Variants in GTF2E2 observed in about 807,000 individuals in gnomAD.
GTF2E2 encodes the protein transcription initiation factor IIE subunit beta.
Under a neutral mutation model 40.5 loss-of-function variants are expected in GTF2E2, and 21 were observed. The observed-to-expected ratio is 0.52, with a 90% CI of 0.37 to 0.75. The LOEUF is 0.75. Ranked by LOEUF, GTF2E2 falls within the 30% of genes least tolerant of loss-of-function variation. The pLI is 0.00. For synonymous variants in GTF2E2, 117 were observed against 121.6 expected (o/e 0.96, Z 0.25); for missense variants, 298 against 338.4 (o/e 0.88, Z 0.94).
At chr8:30,618,481 T>C (rs1326137200) in intron 3 of GTF2E2, among the ~76,000 whole-genome samples, 1 of 152,152 alleles carries the variant, frequency 6.6e-6, no homozygotes, top group Non-Finnish European at 1.5e-5. Flanking sequence ...GGGCCCAGCA[T>C]GCATGGCCTC....
intron 2 of GTF2E2, chr8:30,637,115 T>C: frequency 2.4e-6 from 1 of 413,080 alleles, no homozygotes; most frequent in Non-Finnish European, 4.8e-6. Context: ...TAGATTCAAA[T>C]CCAGTGTAAA....
At chr8:30,653,041 T>C (rs1470457300) in intron 2 of GTF2E2, among the ~76,000 whole-genome samples, 2 of 152,142 alleles carry the variant, frequency 1.3e-5, no homozygotes, top group Non-Finnish European at 1.5e-5. Flanking sequence ...ATTATTGGTT[T>C]TCCGGGGCAG....
intron 3 of GTF2E2, among the ~76,000 whole-genome samples, chr8:30,619,838 G>A (rs575538831): frequency 6.6e-6 from 1 of 152,152 alleles, no homozygotes; most frequent in South Asian, 2.1e-4. Context: ...ATCAACCTGT[G>A]GCTGTGTTAC....
At chr8:30,653,706 TTATTA>T in intron 1 of GTF2E2, 104 bp from the exon 2 acceptor site, 2 of 730,784 alleles carry the variant, frequency 2.7e-6, no homozygotes, top group South Asian at 3.4e-5. Flanking sequence ...AAATTACCTT[TTATTA>T]TTAGTTCTCT....
intron 6 of GTF2E2, among the ~76,000 whole-genome samples, chr8:30,581,249 G>A (rs775300949): frequency 1.1e-4 from 16 of 152,224 alleles, no homozygotes; most frequent in Non-Finnish European, 1.9e-4. Flanking sequence ...ACTGCCCCAC[G>A]CACTGAGGGG....
intron 3 of GTF2E2, among the ~76,000 whole-genome samples, chr8:30,629,670 C>T (rs1801382790): frequency 8.6e-6 from 1 of 116,858 alleles, no homozygotes; most frequent in Admixed American, 1.1e-4. Flanking sequence ...GCCTGGGTGA[C>T]AGAGCAAGAT....
intron 6 of GTF2E2, among the ~76,000 whole-genome samples, chr8:30,584,167 T>A (rs931025590): frequency 6.6e-6 from 1 of 151,802 alleles, no homozygotes; most frequent in African/African-American, 2.4e-5. Flanking sequence ...ATTTCCTTCA[T>A]GTTGGTTCCT....
intron 2 of GTF2E2, chr8:30,645,745 A>C: frequency 1.4e-6 from 1 of 734,864 alleles, no homozygotes; most frequent in Non-Finnish European, 2.2e-6. Flanking sequence ...AAAGTTAAAC[A>C]TGCACTGTTT....
intron 6 of GTF2E2, among the ~76,000 whole-genome samples, chr8:30,605,249 T>A (rs1829288415): frequency 6.6e-6 from 1 of 152,006 alleles, no homozygotes; most frequent in Non-Finnish European, 1.5e-5. Context: ...GTTGAAGGCA[T>A]CAAAGTAAAT....
At chr8:30,610,941 C>T (rs1363333853) in intron 5 of GTF2E2, among the ~76,000 whole-genome samples, 1 of 152,064 alleles carries the variant, frequency 6.6e-6, no homozygotes, top group Admixed American at 6.5e-5. Context: ...GAATTAATAT[C>T]CAGAATATAT....
chr8:30,621,867 A>G (rs1012380907), intron 3 of GTF2E2, among the ~76,000 whole-genome samples: 4 of 152,042 alleles, frequency 2.6e-5, no homozygotes, highest in Non-Finnish European at 4.4e-5. Context: ...ATACAGAACA[A>G]AAGGTGTGAC....
intron 6 of GTF2E2, among the ~76,000 whole-genome samples, chr8:30,594,852 C>G (rs1828954784): frequency 6.9e-6 from 1 of 145,098 alleles, no homozygotes; most frequent in Admixed American, 6.8e-5. Flanking sequence ...AGCAAAACTT[C>G]ATCTCAAAAA....
intron 6 of GTF2E2, among the ~76,000 whole-genome samples, chr8:30,587,871 T>TA (rs58179732): frequency 0.63 from 65,827 of 104,886 alleles, 20,494 homozygotes; most frequent in Middle Eastern, 0.77. Flanking sequence ...GACTCCGTCT[T>TA]AAAAAAAAAA....
chr8:30,612,939 C>T (rs1829522196), intron 4 of GTF2E2, among the ~76,000 whole-genome samples: 1 of 152,222 alleles, frequency 6.6e-6, no homozygotes, highest in African/African-American at 2.4e-5. Context: ...TACAAACTGG[C>T]AGGCCTAAAA....
chr8:30,635,354 T>C (rs965970597), intron 2 of GTF2E2, among the ~76,000 whole-genome samples: 1 of 152,102 alleles, frequency 6.6e-6, no homozygotes, highest in African/African-American at 2.4e-5. Flanking sequence ...CAAACCACAA[T>C]TCTTTTATAA....
intron 6 of GTF2E2, among the ~76,000 whole-genome samples, chr8:30,584,350 C>T (rs1369290523): frequency 1.3e-5 from 2 of 152,062 alleles, no homozygotes; most frequent in Non-Finnish European, 2.9e-5. Flanking sequence ...TATTTAAAAA[C>T]CAAGATCTAC....
intron 3 of GTF2E2, among the ~76,000 whole-genome samples, chr8:30,626,721 T>C (rs1012282439): frequency 2.0e-5 from 3 of 152,228 alleles, no homozygotes; most frequent in African/African-American, 4.8e-5. Flanking sequence ...TGGGTCATTT[T>C]ACTGCACCAG....
At chr8:30,610,604 G>C (rs1426331275) in intron 5 of GTF2E2, among the ~76,000 whole-genome samples, 2 of 152,110 alleles carry the variant, frequency 1.3e-5, no homozygotes, top group African/African-American at 4.8e-5. Flanking sequence ...AATGGGCAAA[G>C]GACGGTCTCT....
intron 6 of GTF2E2, among the ~76,000 whole-genome samples, chr8:30,600,078 G>A (rs1054358166): frequency 7.4e-4 from 112 of 152,186 alleles, no homozygotes; most frequent in African/African-American, 2.6e-3. Context: ...GAATTCTTAA[G>A]ATAAAGGTGA....
Sources: gnomAD v4.1 joint callset for allele counts (sites outside exome capture counted in the v4.1 genomes callset) on GRCh38, gnomAD v4.1.1 for gene constraint, MANE v1.5 for transcripts, NCBI Gene and HGNC (gene_info 2026-07-23, HGNC 2026-07-21) for gene names.